Variants in PCDHGA8 observed in about 807,000 individuals in gnomAD.
PCDHGA8 encodes the protein protocadherin gamma-A8.
A neutral mutation model predicts 59.2 loss-of-function variants in PCDHGA8; 45 were observed. The observed-to-expected ratio is 0.76, with a 90% CI of 0.60 to 0.98. The LOEUF (loss-of-function observed/expected upper bound fraction) is 0.98, where lower values mean the gene tolerates loss of function less well. Among genes scored for constraint, PCDHGA8 ranks in the 50% least tolerant of loss-of-function variants. PCDHGA8 has a pLI of 0.00. For synonymous variants in PCDHGA8, 531 were observed against 519.0 expected (o/e 1.02, Z -0.32); for missense variants, 1,257 against 1,196.2 (o/e 1.05, Z -0.75).
intron 1 of PCDHGA8, chr5:141,410,113 A>G (rs760617436): frequency 3.4e-5 from 55 of 1,612,436 alleles, no homozygotes; most frequent in Non-Finnish European, 4.6e-5. Flanking sequence ...ACAGGGACGC[A>G]GCCCGCCAGC....
rs765353257 is a variant in PCDHGA8 at position 141,431,824 on chromosome 5, G to A, written c.2424+36587G>A. On this transcript the variant is annotated intron_variant, in intron 1 of 3. Coordinates refer to ENST00000398604, the MANE Select transcript of PCDHGA8 (RefSeq NM_032088.2). The surrounding 1 kb of genome is among the most constrained non-coding windows in gnomAD (Gnocchi z 4.8). ...TGGTCCTCACCTCTCTCGCCAGCTC[G>A]GTTCCCGAAAACTCTCCCAGAGGGA... is the stretch of plus-strand genomic sequence containing the variant. The A allele has an allele frequency of 1.3e-5, 21 of 1,614,092 alleles. No homozygotes were observed. In the South Asian group the frequency reaches 2.1e-4, roughly 16 times the overall value.
intron 1 of PCDHGA8, chr5:141,409,980 C>T (rs2095343394): frequency 6.2e-7 from 1 of 1,613,322 alleles, no homozygotes; most frequent in Non-Finnish European, 8.5e-7. Context: ...AAGGTGGTAG[C>T]GGTGGACGCC....
At chr5:141,453,865 A>T (rs1048679358) in intron 1 of PCDHGA8, among the ~76,000 whole-genome samples, 2 of 152,234 alleles carry the variant, frequency 1.3e-5, no homozygotes, top group African/African-American at 4.8e-5. Flanking sequence ...AAAATAACAG[A>T]TGAGCAAAAT....
chr5:141,503,400 A>C (rs2099819725), intron 2 of PCDHGA8, among the ~76,000 whole-genome samples: 1 of 151,750 alleles, frequency 6.6e-6, no homozygotes, highest in Non-Finnish European at 1.5e-5. Context: ...TTCGAAACCA[A>C]CCTGGCCAAT....
At position 141,413,564 on chromosome 5, in the gene PCDHGA8, T is replaced by C. The variant is rs762044373; in HGVS notation, c.2424+18327T>C. 9 of 1,613,760 alleles carry C rather than the reference T, an allele frequency of 5.6e-6. No homozygotes were observed. The Admixed American group carries it at 1.2e-4, about 21-fold the overall frequency. ...GGGATAGAAATAGAAGTAACTGATA[T>C]CAATGACAATGCTCCAAAATTCCAA... On this transcript the variant is annotated intron_variant, in intron 1 of 3. Coordinates refer to ENST00000398604, the MANE Select transcript of PCDHGA8 (RefSeq NM_032088.2).
chr5:141,420,244 C>A lies in PCDHGA8; in HGVS notation c.2424+25007C>A, dbSNP rs755775597. On this transcript the variant is annotated intron_variant, in intron 1 of 3. Coordinates refer to ENST00000398604, the MANE Select transcript of PCDHGA8 (RefSeq NM_032088.2). ...TACTGGCTAGCATTTTAACTCCCAGCGTTGAAGCAGATAAGAAGATTCTTA... is the reference window on the plus strand; with the variant it reads ...TACTGGCTAGCATTTTAACTCCCAGAGTTGAAGCAGATAAGAAGATTCTTA... 83 of 1,584,438 alleles carry A rather than the reference C, an allele frequency of 5.2e-5. 1 individual carries two copies. The South Asian group carries it at 9.4e-4, about 18-fold the overall frequency.
At chr5:141,413,462 G>A (rs750915907) in intron 1 of PCDHGA8, 4 of 1,614,120 alleles carry the variant, frequency 2.5e-6, no homozygotes, top group East Asian at 2.2e-5. Flanking sequence ...AGGATAGACC[G>A]GGAGGAGCTC....
In PCDHGA8 at chr5:141,511,367, G is replaced by A. The variant is rs563286583; in HGVS notation, c.*194G>A. ...CCTTCCCCCCCAGGGGGTTGAATAT[G>A]CAAAAGCAGTTCCGCTGGGAACCCC... On this transcript the variant is annotated 3_prime_UTR_variant, in exon 4 of 4. Coordinates refer to ENST00000398604, the MANE Select transcript of PCDHGA8 (RefSeq NM_032088.2). 2.3e-6 allele frequency: 3 copies of A among 1,299,952 alleles called. No individual in the cohort carries two copies. Among genetic ancestry groups the A allele is most frequent in the Non-Finnish European group, 3.1e-6 (3 of 967,442 alleles). 80.5% of individuals were successfully genotyped at this position (1,299,952 alleles called of 1,614,324 possible).
intron 3 of PCDHGA8, among the ~76,000 whole-genome samples, chr5:141,509,398 G>A (rs1218925417): frequency 6.6e-6 from 1 of 152,106 alleles, no homozygotes; most frequent in Admixed American, 6.5e-5. Context: ...GGATCTCAGG[G>A]CCTCCAGCAG....
At chr5:141,466,143 C>T (rs2099117622) in intron 1 of PCDHGA8, among the ~76,000 whole-genome samples, 1 of 151,816 alleles carries the variant, frequency 6.6e-6, no homozygotes, top group Admixed American at 6.6e-5. Flanking sequence ...CAAGTGAAAA[C>T]TCTGGTCTTA....
Position 141,487,315 on chromosome 5 carries a change from G to T in PCDHGA8, c.2425-7492G>T, listed in dbSNP as rs568326280. 11 of 1,614,166 alleles carry T rather than the reference G, an allele frequency of 6.8e-6. No individual in the cohort carries two copies. In the South Asian group the frequency reaches 1.2e-4, roughly 18 times the overall value. ...GCTCATTCGTGGCACTACTCTCTAA[G>T]TGTCTTCGTGGGGCAGCCTGTGGAG... On this transcript the variant is annotated intron_variant, in intron 1 of 3. Transcript: ENST00000398604. The surrounding 1 kb of genome is among the most constrained non-coding windows in gnomAD (Gnocchi z 5.0).
Position 141,487,893 on chromosome 5 carries a change from G to A in PCDHGA8, c.2425-6914G>A. Reference sequence around the variant, plus strand: ...AGCCAGGCTGTTGTGGAAGCATGATGATGGAATGTGGGAGCACAGGAGGCT... The same window carrying A: ...AGCCAGGCTGTTGTGGAAGCATGATAATGGAATGTGGGAGCACAGGAGGCT... On this transcript the variant is annotated intron_variant, in intron 1 of 3. Coordinates refer to ENST00000398604, the MANE Select transcript of PCDHGA8 (RefSeq NM_032088.2). The surrounding 1 kb of genome is among the most constrained non-coding windows in gnomAD (Gnocchi z 5.0). The A allele has an allele frequency of 1.4e-6, 1 of 731,472 alleles. No individual in the cohort carries two copies. The highest frequency in any genetic ancestry group is 2.2e-6 in the Non-Finnish European group (1 of 450,166). 45.3% of individuals were successfully genotyped at this position (731,472 alleles called of 1,614,324 possible). A position where few individuals can be genotyped will look rare whatever the true frequency, so the allele number is the denominator to read the frequency against.
At chr5:141,426,657 A>G (rs1369635444) in intron 1 of PCDHGA8, 2 of 425,278 alleles carry the variant, frequency 4.7e-6, no homozygotes, top group Non-Finnish European at 9.7e-6. Flanking sequence ...GATAGAAGAT[A>G]TAAATGATAA....
At chr5:141,406,567 T>A (rs1270084196) in intron 1 of PCDHGA8, among the ~76,000 whole-genome samples, 2 of 152,224 alleles carry the variant, frequency 1.3e-5, no homozygotes, top group African/African-American at 4.8e-5. Context: ...TTCCAAACCC[T>A]AGTAAACCAA....
rs2096271749 is a variant in PCDHGA8, at chr5:141,418,581, T to G, written c.2424+23344T>G. On this transcript the variant is annotated intron_variant, in intron 1 of 3. Coordinates refer to ENST00000398604, the MANE Select transcript of PCDHGA8 (RefSeq NM_032088.2). The stretch of plus-strand genomic sequence containing the variant: ...ATAGATGCCAATGACAACCCCCCAG[T>G]GTTCAGCCAGGACGTGTACAGGGTT... The G allele has an allele frequency of 2.5e-6, 4 of 1,613,854 alleles. No homozygotes were observed. The South Asian group carries it at 4.4e-5, about 18-fold the overall frequency.
At chr5:141,398,387 G>T in intron 1 of PCDHGA8, 2 of 1,455,430 alleles carry the variant, frequency 1.4e-6, no homozygotes, top group Non-Finnish European at 1.9e-6. Context: ...TTGCTTGTGA[G>T]CAGCAGGCTA....
In PCDHGA8 at chr5:141,404,936, G is replaced by A. The variant is rs755365273; in HGVS notation, c.2424+9699G>A. ...TCTCTCGGCCACTGTCACGCTCACA[G>A]TAGCCATAGCTGACAGCATCCCAGA... is the stretch of plus-strand genomic sequence containing the variant. On this transcript the variant is annotated intron_variant, in intron 1 of 3. Coordinates refer to ENST00000398604, the MANE Select transcript of PCDHGA8 (RefSeq NM_032088.2). 1.9e-6 allele frequency: 3 copies of A among 1,613,858 alleles called. No individual in the cohort carries two copies. The South Asian group carries it at 3.3e-5, about 18-fold the overall frequency.
At chr5:141,404,779 C>G in intron 1 of PCDHGA8, 1 of 1,613,746 alleles carries the variant, frequency 6.2e-7, no homozygotes, top group Non-Finnish European at 8.5e-7. Context: ...ACCGCCTATT[C>G]AAGGCCAGTG....
chr5:141,436,519 C>A (rs770168763), intron 1 of PCDHGA8, among the ~76,000 whole-genome samples: 2 of 152,140 alleles, frequency 1.3e-5, no homozygotes, highest in African/African-American at 2.4e-5. Context: ...TTAACTGTGT[C>A]ACCTTTAGCA....
Sources: allele counts gnomAD v4.1 joint callset (sites outside exome capture counted in the v4.1 genomes callset), GRCh38; gene constraint gnomAD v4.1.1; non-coding constraint Gnocchi (gnomAD v3.1); transcripts MANE v1.5; gene names NCBI Gene and HGNC (gene_info 2026-07-23, HGNC 2026-07-21).